INSYN2B: variants seen among roughly 807,000 people sequenced by gnomAD.
The protein encoded by INSYN2B is inhibitory synaptic factor family member 2B, also known as protein INSYN2B.
In INSYN2B, 16 loss-of-function variants were observed where a neutral mutation model predicts 41.2. The observed-to-expected ratio is 0.39, with a 90% CI of 0.26 to 0.59. The LOEUF (loss-of-function observed/expected upper bound fraction) is 0.59, where lower values mean the gene tolerates loss of function less well. Ranked by LOEUF, INSYN2B falls within the 20% of genes least tolerant of loss-of-function variation. The pLI, the probability that INSYN2B is intolerant of heterozygous loss-of-function variation, is 0.57. For missense variants in INSYN2B, 608 were observed against 646.4 expected (o/e 0.94, Z 0.64); for synonymous variants, 245 against 244.4 (o/e 1.00, Z -0.02).
At chr5:169,906,152 C>T (rs915529953) in intron 1 of INSYN2B, among the ~76,000 whole-genome samples, 1 of 152,178 alleles carries the variant, frequency 6.6e-6, no homozygotes, top group Non-Finnish European at 1.5e-5. Context: ...AGTAAATCCT[C>T]AATGAGCGAT....
intron 1 of INSYN2B, among the ~76,000 whole-genome samples, chr5:169,977,332 C>T (rs892853592): frequency 2.6e-5 from 4 of 152,136 alleles, no homozygotes; most frequent in East Asian, 1.9e-4. Flanking sequence ...CACGGGTAGG[C>T]GGAGTCATCA....
At chr5:169,878,913 T>C (rs1184549110) in intron 3 of INSYN2B, among the ~76,000 whole-genome samples, 1 of 152,180 alleles carries the variant, frequency 6.6e-6, no homozygotes, top group African/African-American at 2.4e-5. Flanking sequence ...CTGAGAGCCA[T>C]GGATAGAATC....
At chr5:169,868,072 G>C (rs1395233458) in intron 3 of INSYN2B, among the ~76,000 whole-genome samples, 1 of 152,180 alleles carries the variant, frequency 6.6e-6, no homozygotes, top group Non-Finnish European at 1.5e-5. Context: ...GAGCCAAAGA[G>C]AGTGGGTACC....
intron 1 of INSYN2B, among the ~76,000 whole-genome samples, chr5:169,899,701 C>A (rs964321633): frequency 1.3e-5 from 2 of 152,188 alleles, no homozygotes; most frequent in African/African-American, 4.8e-5. Context: ...GTATTGCCAT[C>A]CAAAGTGAGA....
intron 1 of INSYN2B, among the ~76,000 whole-genome samples, chr5:169,921,997 A>G (rs1380025058): frequency 6.6e-6 from 1 of 152,230 alleles, no homozygotes; most frequent in African/African-American, 2.4e-5. Flanking sequence ...AATCCCATGT[A>G]CATCCTGGTC....
rs148976077 is a variant in INSYN2B at position 169,877,555 on chromosome 5, A to T, written c.1421+3813T>A. 8.5e-3 allele frequency among the ~76,000 whole-genome samples: 1,291 copies of T among 152,278 alleles called. 48 individuals carry two copies. Among genetic ancestry groups the T allele is most frequent in the Admixed American group, 0.068 (1,043 of 15,292 alleles). On this transcript the variant is annotated intron_variant, in intron 3 of 3. Transcript: ENST00000377365. Reference sequence around the variant, plus strand: ...TTGAACAAAGTAAATATGGGAAGAAAATTAATTTTGTGGTGAAATAGGTGT... The same window carrying T: ...TTGAACAAAGTAAATATGGGAAGAATATTAATTTTGTGGTGAAATAGGTGT...
At position 169,913,670 on chromosome 5, in the gene INSYN2B, T is replaced by C. The variant is rs145990105; in HGVS notation, c.-918-28854A>G. ...TTATGAGCAGAGCTATTTCACACTT[T>C]GTTGTGAAATTCAGTGGAGAAAGTG... On this transcript the variant is annotated intron_variant, in intron 1 of 3. Transcript: ENST00000377365. Among the ~76,000 whole-genome samples the C allele has an allele frequency of 1.6e-3, 237 of 152,224 alleles. 1 individual carries two copies. Among genetic ancestry groups the C allele is most frequent in the African/African-American group, 5.5e-3 (227 of 41,516 alleles).
chr5:169,979,643 G>C (rs1319462343), intron 1 of INSYN2B, among the ~76,000 whole-genome samples: 1 of 152,158 alleles, frequency 6.6e-6, no homozygotes, highest in Non-Finnish European at 1.5e-5. Context: ...GATGCTTCTA[G>C]TCAGAAGTAA....
At chr5:169,920,041 AT>A in intron 1 of INSYN2B, among the ~76,000 whole-genome samples, 1 of 152,332 alleles carries the variant, frequency 6.6e-6, no homozygotes, top group African/African-American at 2.4e-5. Flanking sequence ...GAATTATGTC[AT>A]TTAATCCACA....
At chr5:169,887,388 ATC>A (rs1773033089) in intron 1 of INSYN2B, among the ~76,000 whole-genome samples, 1 of 152,226 alleles carries the variant, frequency 6.6e-6, no homozygotes, top group African/African-American at 2.4e-5. Flanking sequence ...ATCACCTGAA[ATC>A]TTACCACCCA....
At chr5:169,895,545 G>A (rs1433354130) in intron 1 of INSYN2B, among the ~76,000 whole-genome samples, 1 of 151,838 alleles carries the variant, frequency 6.6e-6, no homozygotes, top group African/African-American at 2.4e-5. Flanking sequence ...TTCTTTTGGG[G>A]GTAGGATCAC....
In INSYN2B at chr5:169,863,310, C is replaced by T. The variant is rs187288854; in HGVS notation, c.*963G>A. Among the ~76,000 whole-genome samples, 184 of 152,348 alleles carry T rather than the reference C, an allele frequency of 1.2e-3. 1 individual carries two copies. Among genetic ancestry groups the T allele is most frequent in the African/African-American group, 4.0e-3 (167 of 41,574 alleles). ...TAATATATGTTTGAACCTATCTACA[C>T]GGCTGTTTCTGGGATGAAGGGATGA... On this transcript the variant is annotated 3_prime_UTR_variant, in exon 4 of 4. Coordinates refer to ENST00000377365, the MANE Select transcript of INSYN2B (RefSeq NM_001129891.3).
At chr5:169,924,771 CT>C (rs1775347421) in intron 1 of INSYN2B, among the ~76,000 whole-genome samples, 1 of 152,124 alleles carries the variant, frequency 6.6e-6, no homozygotes, top group Admixed American at 6.6e-5. Context: ...CTTTTCTTTT[CT>C]TTTTTCATCA....
In INSYN2B at chr5:169,978,386, T is replaced by G. The variant is rs1457709751; in HGVS notation, c.-919+1891A>C. Among the ~76,000 whole-genome samples, 37 of 16,702 alleles carry G rather than the reference T, an allele frequency of 2.2e-3. 2 individuals carry two copies. The highest frequency in any genetic ancestry group is 2.9e-3 in the Non-Finnish European group (26 of 8,850). The allele number at this position is 16,702 out of a possible 152,430, so 11.0% of individuals were successfully genotyped here. ...TCCTGGCTCTGTGTATGTGTGTGTG[T>G]GTGTGTGGGGGGGGGGGGGTGTAGG... On this transcript the variant is annotated intron_variant, in intron 1 of 3. Coordinates refer to ENST00000377365, the MANE Select transcript of INSYN2B (RefSeq NM_001129891.3).
intron 1 of INSYN2B, chr5:169,934,522 A>G (rs1432396364): frequency 5.0e-6 from 2 of 402,448 alleles, no homozygotes; most frequent in Non-Finnish European, 1.0e-5. Context: ...CAGCACCCAC[A>G]TTTCTTCCAG....
chr5:169,971,554 C>T lies in INSYN2B; in HGVS notation c.-919+8723G>A, dbSNP rs74848001. On this transcript the variant is annotated intron_variant, in intron 1 of 3. Coordinates refer to ENST00000377365, the MANE Select transcript of INSYN2B (RefSeq NM_001129891.3). ...AAACAGTTATCTCTGAGTTCAGCCTCATAGGATTTTTCTCATCATGGGGAT... is the reference window on the plus strand; with the variant it reads ...AAACAGTTATCTCTGAGTTCAGCCTTATAGGATTTTTCTCATCATGGGGAT... 3.3e-3 allele frequency among the ~76,000 whole-genome samples: 507 copies of T among 151,932 alleles called. 1 individual carries two copies. Among genetic ancestry groups the T allele is most frequent in the Non-Finnish European group, 5.8e-3 (393 of 67,984 alleles).
intron 3 of INSYN2B, among the ~76,000 whole-genome samples, chr5:169,865,574 G>A (rs1771495856): frequency 6.6e-6 from 1 of 152,164 alleles, no homozygotes; most frequent in Non-Finnish European, 1.5e-5. Context: ...TACTTACAGA[G>A]GAGTTTTCAG....
At chr5:169,935,867 TG>T (rs1775969980) in intron 1 of INSYN2B, among the ~76,000 whole-genome samples, 1 of 152,174 alleles carries the variant, frequency 6.6e-6, no homozygotes, top group Admixed American at 6.5e-5. Context: ...TAATTAGGAA[TG>T]GCATTTACTC....
chr5:169,975,958 T>G (rs1009607838), intron 1 of INSYN2B, among the ~76,000 whole-genome samples: 1 of 152,196 alleles, frequency 6.6e-6, no homozygotes, highest in Non-Finnish European at 1.5e-5. Context: ...TGCTAGAATA[T>G]AATTTAAGAT....
Sources: gnomAD v4.1 joint callset for allele counts (sites outside exome capture counted in the v4.1 genomes callset) on GRCh38, gnomAD v4.1.1 for gene constraint, MANE v1.5 for transcripts, NCBI Gene and HGNC (gene_info 2026-07-23, HGNC 2026-07-21) for gene names.